Variants in CSMD1 observed in about 807,000 individuals in gnomAD.
CSMD1 encodes CUB and Sushi multiple domains 1.
In CSMD1, 213 loss-of-function variants were observed where a neutral mutation model predicts 417.5. The ratio of observed to expected loss-of-function variants is 0.51; its 90% CI spans 0.46 to 0.57. CSMD1 has a LOEUF of 0.57. Ranked by LOEUF, CSMD1 falls within the 20% of genes least tolerant of loss-of-function variation. CSMD1 has a pLI of 0.00. For missense variants in CSMD1, 6,923 were observed against 4,529.7 expected (o/e 1.53, Z -15.17); for synonymous variants, 2,862 against 1,736.8 (o/e 1.65, Z -16.11).
At chr8:3,840,824 T>G (rs915204602) in intron 5 of CSMD1, among the ~76,000 whole-genome samples, 7 of 151,720 alleles carry the variant, frequency 4.6e-5, no homozygotes, top group African/African-American at 1.7e-4. Context: ...ACCTTCCAAG[T>G]AGCTGGGCGC....
At chr8:4,578,254 G>A (rs920601594) in intron 2 of CSMD1, among the ~76,000 whole-genome samples, 34 of 150,930 alleles carry the variant, frequency 2.3e-4, no homozygotes, top group African/African-American at 5.1e-4. Context: ...TCTGCCTCCC[G>A]GGTTCACGCC....
chr8:2,976,637 C>A (rs746572949), intron 55 of CSMD1, among the ~76,000 whole-genome samples: 2 of 152,202 alleles, frequency 1.3e-5, no homozygotes, highest in Non-Finnish European at 2.9e-5. Context: ...GTGTGAGTCA[C>A]GGCACCTGGC....
At chr8:3,609,759 A>T (rs1801797303) in intron 8 of CSMD1, among the ~76,000 whole-genome samples, 1 of 146,070 alleles carries the variant, frequency 6.8e-6, no homozygotes. Flanking sequence ...AAACCGAATT[A>T]CCTTTCATTA....
At chr8:3,653,276 A>G (rs1797949544) in intron 7 of CSMD1, among the ~76,000 whole-genome samples, 1 of 152,156 alleles carries the variant, frequency 6.6e-6, no homozygotes, top group South Asian at 2.1e-4. Flanking sequence ...GGATGGCTGG[A>G]AAAAAATTAA....
At chr8:4,518,644 A>T (rs1436430776) in intron 2 of CSMD1, among the ~76,000 whole-genome samples, 1 of 151,310 alleles carries the variant, frequency 6.6e-6, no homozygotes, top group Non-Finnish European at 1.5e-5. Flanking sequence ...GAGGAATCGC[A>T]TTAGGAGATA....
chr8:4,565,171 G>A (rs1798530407), intron 2 of CSMD1, among the ~76,000 whole-genome samples: 1 of 152,164 alleles, frequency 6.6e-6, no homozygotes, highest in African/African-American at 2.4e-5. Context: ...ACTTTCCAAT[G>A]ATGAAAAACA....
intron 5 of CSMD1, among the ~76,000 whole-genome samples, chr8:3,886,607 G>C (rs1039823317): frequency 1.4e-4 from 21 of 152,288 alleles, no homozygotes; most frequent in Non-Finnish European, 2.5e-4. Context: ...CCTGGAGTCA[G>C]ATTTGGCCCA....
chr8:3,818,485 T>A (rs910668753), intron 5 of CSMD1, among the ~76,000 whole-genome samples: 1 of 152,138 alleles, frequency 6.6e-6, no homozygotes, highest in Non-Finnish European at 1.5e-5. Flanking sequence ...TGCTAAATGC[T>A]TTCTTAGGCA....
At chr8:4,618,098 C>T (rs1362175099) in intron 2 of CSMD1, among the ~76,000 whole-genome samples, 6 of 152,010 alleles carry the variant, frequency 3.9e-5, no homozygotes, top group African/African-American at 4.8e-5. Flanking sequence ...TACAATCTGC[C>T]GAGGTGCCAA....
intron 3 of CSMD1, among the ~76,000 whole-genome samples, chr8:4,338,951 T>C (rs1397034630): frequency 6.6e-6 from 1 of 152,084 alleles, no homozygotes; most frequent in Non-Finnish European, 1.5e-5. Context: ...TATCTGAACA[T>C]AGGTCTGGGC....
intron 10 of CSMD1, among the ~76,000 whole-genome samples, chr8:3,560,962 C>T (rs1000609100): frequency 1.3e-5 from 2 of 152,062 alleles, no homozygotes; most frequent in Non-Finnish European, 2.9e-5. Context: ...CAGAGCATCC[C>T]AATGGGCAGT....
At chr8:3,081,689 G>T (rs998743116) in intron 49 of CSMD1, among the ~76,000 whole-genome samples, 1 of 152,108 alleles carries the variant, frequency 6.6e-6, no homozygotes, top group Non-Finnish European at 1.5e-5. Context: ...TTATTTTGTG[G>T]TAGAGCTGCC....
chr8:4,379,628 T>C (rs918644276), intron 3 of CSMD1, among the ~76,000 whole-genome samples: 1 of 152,230 alleles, frequency 6.6e-6, no homozygotes, highest in Non-Finnish European at 1.5e-5. Flanking sequence ...TGAGATTTAT[T>C]AACACCAAAA....
chr8:3,816,700 C>G (rs1353105955), intron 5 of CSMD1, among the ~76,000 whole-genome samples: 1 of 152,004 alleles, frequency 6.6e-6, no homozygotes, highest in African/African-American at 2.4e-5. Flanking sequence ...CTGATTTTAC[C>G]TTTACAAATC....
intron 1 of CSMD1, among the ~76,000 whole-genome samples, chr8:4,865,465 A>G (rs1366188070): frequency 6.6e-6 from 1 of 151,872 alleles, no homozygotes; most frequent in Non-Finnish European, 1.5e-5. Context: ...ACTTTGAGTA[A>G]TATATACACA....
intron 10 of CSMD1, among the ~76,000 whole-genome samples, chr8:3,557,168 G>C (rs1799192790): frequency 6.6e-6 from 1 of 152,174 alleles, no homozygotes; most frequent in African/African-American, 2.4e-5. Context: ...ACATTCAGAA[G>C]ACACTTCTAT....
At chr8:4,849,535 C>A (rs1801342360) in intron 1 of CSMD1, among the ~76,000 whole-genome samples, 1 of 152,172 alleles carries the variant, frequency 6.6e-6, no homozygotes, top group Non-Finnish European at 1.5e-5. Flanking sequence ...TTCCAGGTTG[C>A]AAACTCCATT....
chr8:3,981,066 A>T lies in CSMD1; in HGVS notation c.818+16837T>A, dbSNP rs187584381. On this transcript the variant is annotated intron_variant, in intron 5 of 69. Coordinates refer to ENST00000635120, the MANE Select transcript of CSMD1 (RefSeq NM_033225.6). ...TTTTCCCACAGTCAAAAACGCCCGT[A>T]CTTGTAGTTCCTTCCAAGGACTTGC... Among the ~76,000 whole-genome samples the T allele has an allele frequency of 5.4e-4, 83 of 152,296 alleles. 1 individual carries two copies. The highest frequency in any genetic ancestry group is 3.4e-3 in the Middle Eastern group (1 of 294).
rs1817288030 is a variant in CSMD1, at chr8:3,122,873, T to C, written c.6242-4286A>G. 3.9e-5 allele frequency among the ~76,000 whole-genome samples: 6 copies of C among 152,188 alleles called. No individual in the cohort carries two copies. The South Asian group carries it at 1.2e-3, about 32-fold the overall frequency. On this transcript the variant is annotated intron_variant, in intron 41 of 69. Transcript: ENST00000635120. ...AACAGTCCACCATACAGTAGCTACA[T>C]TATATACAATAGTGTTTCTCAGTTG...
Sources: allele counts gnomAD v4.1 joint callset (sites outside exome capture counted in the v4.1 genomes callset), GRCh38; gene constraint gnomAD v4.1.1; transcripts MANE v1.5; gene names NCBI Gene and HGNC (gene_info 2026-07-23, HGNC 2026-07-21).